Variants in MTRF1 observed in about 807,000 individuals in gnomAD.
MTRF1 encodes the protein mitochondrial translation release factor 1, also known as peptide chain release factor 1, mitochondrial.
Under a neutral mutation model 62.9 loss-of-function variants are expected in MTRF1, and 51 were observed. The ratio of observed to expected loss-of-function variants is 0.81; its 90% CI spans 0.65 to 1.02. MTRF1 has a LOEUF of 1.02. Ranked by LOEUF, MTRF1 falls within the 50% of genes least tolerant of loss-of-function variation. The probability of loss-of-function intolerance (pLI) is 0.00; values close to 1 mark genes in which losing one functional copy is unlikely to be tolerated. For missense variants in MTRF1, 446 were observed against 530.0 expected, an observed-to-expected ratio of 0.84 and a Z score of 1.56; for synonymous variants, 158 against 181.9, an observed-to-expected ratio of 0.87 and a Z score of 1.06.
At chr13:41,246,618 A>G (rs571653856) in intron 5 of MTRF1, among the ~76,000 whole-genome samples, 1 of 152,320 alleles carries the variant, frequency 6.6e-6, no homozygotes, top group East Asian at 1.9e-4. Context: ...GCTGACATGC[A>G]TTTAGGGCAC....
the MTRF1 span, among the ~76,000 whole-genome samples, chr13:41,268,732 A>C: frequency 6.6e-6 from 1 of 152,202 alleles, no homozygotes; most frequent in Non-Finnish European, 1.5e-5. Flanking sequence ...AACAAGATGC[A>C]ATAAAAGTTG....
intron 9 of MTRF1, among the ~76,000 whole-genome samples, chr13:41,220,060 G>A (rs1158431292): frequency 6.6e-6 from 1 of 151,086 alleles, no homozygotes; most frequent in Non-Finnish European, 1.5e-5. Flanking sequence ...GGGGCGCGGT[G>A]GCTCAGGCTA....
At chr13:41,301,013 T>C in the MTRF1 span, among the ~76,000 whole-genome samples, 1 of 152,320 alleles carries the variant, frequency 6.6e-6, no homozygotes, top group Non-Finnish European at 1.5e-5. Flanking sequence ...TCATGGATAA[T>C]AGTATTTTTC....
chr13:41,250,211 A>C (rs2038888629), intron 5 of MTRF1, among the ~76,000 whole-genome samples: 1 of 152,132 alleles, frequency 6.6e-6, no homozygotes, highest in African/African-American at 2.4e-5. Flanking sequence ...GTTTCTTCTT[A>C]CATTCTCCTT....
chr13:41,259,609 G>T (rs991914193), intron 2 of MTRF1, among the ~76,000 whole-genome samples: 1 of 151,270 alleles, frequency 6.6e-6, no homozygotes, highest in African/African-American at 2.4e-5. Flanking sequence ...GGCTGAGGCA[G>T]GAGAATGGCG....
the MTRF1 span, among the ~76,000 whole-genome samples, chr13:41,273,702 T>A: frequency 1.3e-5 from 2 of 152,022 alleles, no homozygotes; most frequent in Non-Finnish European, 2.9e-5. Flanking sequence ...CTGAGCGTGG[T>A]GGTGCACACC....
the MTRF1 span, chr13:41,287,946 G>A: frequency 2.2e-5 from 9 of 412,950 alleles, no homozygotes; most frequent in South Asian, 1.5e-4. Flanking sequence ...TTTCTCAATC[G>A]TGTCTTTAAC....
chr13:41,238,301 G>A (rs9566726), intron 6 of MTRF1, among the ~76,000 whole-genome samples: 79,465 of 151,808 alleles, frequency 0.52, 21,635 homozygotes, highest in South Asian at 0.62. Context: ...GGACAAAAGA[G>A]GTACCCTAAA....
the MTRF1 span, among the ~76,000 whole-genome samples, chr13:41,277,798 T>C: frequency 2.6e-5 from 4 of 152,180 alleles, no homozygotes; most frequent in Non-Finnish European, 5.9e-5. Context: ...CCCAACCCTC[T>C]AATCCTACCT....
At chr13:41,263,307 A>C in intron 1 of MTRF1, 178 bp downstream of exon 1, 2 of 1,289,260 alleles carry the variant, frequency 1.6e-6, no homozygotes, top group South Asian at 1.2e-5. Context: ...ATTACCCATC[A>C]CAGTAACAGT....
intron 3 of MTRF1, 45 bp from the exon 4 acceptor site, chr13:41,253,075 C>G (rs113857124): frequency 1.4e-6 from 2 of 1,396,272 alleles, no homozygotes; most frequent in Admixed American, 4.4e-5. Flanking sequence ...CCCCGGTACA[C>G]TATTACTGAA....
At chr13:41,310,896 A>C in the MTRF1 span, among the ~76,000 whole-genome samples, 1 of 152,206 alleles carries the variant, frequency 6.6e-6, no homozygotes, top group African/African-American at 2.4e-5. Flanking sequence ...TTGCGCCACA[A>C]GCTTATCAAG....
chr13:41,289,834 A>T, the MTRF1 span, among the ~76,000 whole-genome samples: 1 of 152,150 alleles, frequency 6.6e-6, no homozygotes, highest in African/African-American at 2.4e-5. Flanking sequence ...CACATTGCAC[A>T]ACCAACGCTT....
At chr13:41,242,888 A>G (rs1193565733) in intron 5 of MTRF1, among the ~76,000 whole-genome samples, 2 of 152,102 alleles carry the variant, frequency 1.3e-5, no homozygotes. Flanking sequence ...GTTCAAGACC[A>G]TCCTGGGCAA....
At chr13:41,233,359 T>C (rs1037717867) in intron 7 of MTRF1, among the ~76,000 whole-genome samples, 7 of 152,170 alleles carry the variant, frequency 4.6e-5, no homozygotes, top group African/African-American at 1.7e-4. Context: ...GCCATTAGAC[T>C]TTTAAAACCA....
At chr13:41,267,595 G>A (rs143650394), upstream of MTRF1, among the ~76,000 whole-genome samples, 152 of 152,230 alleles carry the variant, frequency 1.0e-3, no homozygotes, top group African/African-American at 2.7e-3. Flanking sequence ...AAAGCCAGGC[G>A]CTGTGGCTCA....
At chr13:41,284,698 C>T in the MTRF1 span, among the ~76,000 whole-genome samples, 30 of 151,606 alleles carry the variant, frequency 2.0e-4, no homozygotes, top group African/African-American at 4.8e-4. Flanking sequence ...GTGATATCGA[C>T]GCTGGAGTGC....
At chr13:41,270,678 G>T in the MTRF1 span, among the ~76,000 whole-genome samples, 8 of 151,994 alleles carry the variant, frequency 5.3e-5, no homozygotes, top group South Asian at 1.7e-3. Context: ...TAAAATGAAT[G>T]TAATTGCTAA....
At chr13:41,297,284 C>T in the MTRF1 span, among the ~76,000 whole-genome samples, 5 of 152,188 alleles carry the variant, frequency 3.3e-5, no homozygotes, top group Admixed American at 6.5e-5. Context: ...GGCTAGTGGG[C>T]GACCCAATGC....
Sources: allele counts gnomAD v4.1 joint callset (sites outside exome capture counted in the v4.1 genomes callset), GRCh38; gene constraint gnomAD v4.1.1; transcripts MANE v1.5; gene names NCBI Gene and HGNC (gene_info 2026-07-23, HGNC 2026-07-21).